The following HMCN1 variants were observed in gnomAD, a reference collection of about 807,000 sequenced individuals.
HMCN1 encodes hemicentin-1.
Under a neutral mutation model 625.9 loss-of-function variants are expected in HMCN1, and 321 were observed. That is an observed-to-expected ratio of 0.51 (90% CI 0.47 to 0.56). HMCN1 has a LOEUF of 0.56. Ranked by LOEUF, HMCN1 falls within the 20% of genes least tolerant of loss-of-function variation. HMCN1 has a pLI of 0.00. For synonymous variants in HMCN1, 2,425 were observed against 2,417.6 expected (o/e 1.00, Z -0.09); for missense variants, 6,588 against 6,887.3 (o/e 0.96, Z 1.54).
intron 20 of HMCN1, among the ~76,000 whole-genome samples, chr1:185,988,736 C>G (rs1190075689): frequency 1.3e-5 from 2 of 152,228 alleles, no homozygotes; most frequent in Non-Finnish European, 2.9e-5. Context: ...AGCTCTACCA[C>G]TGATGGGCTT....
intron 1 of HMCN1, among the ~76,000 whole-genome samples, chr1:185,814,436 G>A (rs1659719873): frequency 6.6e-6 from 1 of 152,086 alleles, no homozygotes; most frequent in South Asian, 2.1e-4. Flanking sequence ...GAAGTCTTCT[G>A]AGAAATTACT....
At position 185,865,630 on chromosome 1, in the gene HMCN1, CAT is replaced by C. The variant is rs1553251698; in HGVS notation, c.499-110_499-109del. The C allele has an allele frequency of 1.5e-3, 1,023 of 677,742 alleles. 3 individuals are homozygous for C. The highest frequency in any genetic ancestry group is 2.0e-3 in the Non-Finnish European group (786 of 402,324). The allele number at this position is 677,742 out of a possible 1,614,324, so 42.0% of individuals were successfully genotyped here. ...ACACACACACACACACACACACACA[CAT>C]TCACATATTCTACTTGCCCAGTAAT... On this transcript the variant is annotated intron_variant, in intron 3 of 106. Coordinates refer to ENST00000271588, the MANE Select transcript of HMCN1 (RefSeq NM_031935.3).
In HMCN1 at chr1:186,174,484, TG is replaced by T. The variant is rs563662516; in HGVS notation, c.15815-29del. ...ATGACTTTGGGTTTGAAAGAGGAAATGTTACTTCTCATTGCCTCCATGTCTG... is the reference window on the plus strand; with the variant it reads ...ATGACTTTGGGTTTGAAAGAGGAAATTTACTTCTCATTGCCTCCATGTCTG... On this transcript the variant is annotated intron_variant, in intron 102 of 106. Transcript: ENST00000271588. 3 of 1,612,970 alleles carry T rather than the reference TG, an allele frequency of 1.9e-6. No homozygotes were observed. The South Asian group carries it at 3.3e-5, about 18-fold the overall frequency.
chr1:185,989,365 A>G, intron 20 of HMCN1, 123 bp from the exon 21 acceptor site: 1 of 1,097,696 alleles, frequency 9.1e-7, no homozygotes, highest in East Asian at 2.4e-5. Context: ...TTTAAAATTT[A>G]CTCTATTCCC....
At chr1:185,848,856 C>T (rs1363752020) in intron 2 of HMCN1, among the ~76,000 whole-genome samples, 1 of 152,128 alleles carries the variant, frequency 6.6e-6, no homozygotes, top group African/African-American at 2.4e-5. Flanking sequence ...CAATTGACTC[C>T]TCTCCATTTC....
chr1:185,922,758 G>C (rs1667064659), intron 7 of HMCN1, among the ~76,000 whole-genome samples: 1 of 152,104 alleles, frequency 6.6e-6, no homozygotes, highest in African/African-American at 2.4e-5. Context: ...ACCATGGAAG[G>C]TAGGGCCCAG....
At chr1:186,069,400 CT>C (rs1658341139) in intron 50 of HMCN1, among the ~76,000 whole-genome samples, 1 of 152,156 alleles carries the variant, frequency 6.6e-6, no homozygotes, top group Non-Finnish European at 1.5e-5. Flanking sequence ...AGGATCTTAG[CT>C]AGAGTGGTAT....
chr1:185,956,601 A>G (rs1649647627), intron 11 of HMCN1, among the ~76,000 whole-genome samples: 1 of 152,220 alleles, frequency 6.6e-6, no homozygotes, highest in South Asian at 2.1e-4. Flanking sequence ...TAGCTATTTC[A>G]GAAGCTCTCT....
chr1:185,754,675 C>G (rs1655021810), intron 1 of HMCN1, among the ~76,000 whole-genome samples: 1 of 152,062 alleles, frequency 6.6e-6, no homozygotes, highest in Non-Finnish European at 1.5e-5. Context: ...CATGGCTAAA[C>G]TCCATCTCTT....
chr1:185,902,712 T>G (rs1330580688), intron 4 of HMCN1, among the ~76,000 whole-genome samples: 1 of 151,672 alleles, frequency 6.6e-6, no homozygotes, highest in Non-Finnish European at 1.5e-5. Context: ...TTTTTGTTAC[T>G]CGTAGCCTAA....
chr1:185,866,314 T>C (rs960547437), intron 4 of HMCN1, among the ~76,000 whole-genome samples: 5 of 151,108 alleles, frequency 3.3e-5, no homozygotes, highest in African/African-American at 1.2e-4. Flanking sequence ...TATGTAGTTA[T>C]CAAAAAACTG....
chr1:185,828,506 A>G (rs1660659811), intron 1 of HMCN1, among the ~76,000 whole-genome samples: 1 of 152,156 alleles, frequency 6.6e-6, no homozygotes. Context: ...TCCATAGTTG[A>G]TGACAGATAG....
intron 39 of HMCN1, among the ~76,000 whole-genome samples, chr1:186,040,343 G>A (rs543440568): frequency 1.3e-5 from 2 of 152,078 alleles, no homozygotes; most frequent in South Asian, 2.1e-4. Flanking sequence ...AAAACATCAC[G>A]AGAAATAAAA....
At chr1:185,893,795 A>G (rs1665301324) in intron 4 of HMCN1, among the ~76,000 whole-genome samples, 1 of 152,222 alleles carries the variant, frequency 6.6e-6, no homozygotes, top group South Asian at 2.1e-4. Context: ...TTGAAGAATT[A>G]TATACATACA....
At chr1:185,852,578 A>G (rs1662227822) in intron 2 of HMCN1, among the ~76,000 whole-genome samples, 1 of 2,356 alleles carries the variant, frequency 4.2e-4, no homozygotes, top group Non-Finnish European at 7.9e-4. Context: ...CAAATATCCT[A>G]CACACACACA....
At chr1:186,114,471 C>A (rs919324759) in intron 73 of HMCN1, among the ~76,000 whole-genome samples, 3 of 152,098 alleles carry the variant, frequency 2.0e-5, no homozygotes, top group African/African-American at 7.2e-5. Flanking sequence ...GTTGGCCAGG[C>A]TGGTCTCGAA....
Position 186,171,396 on chromosome 1 carries a change from A to G in HMCN1, c.15634A>G (p.Ser5212Gly). The change falls in exon 101 of 107, where the codon AGT becomes GGT. Residue 5212 changes from serine to glycine, a missense_variant. Around this residue, in one of 3 missense-constraint regions of HMCN1, gnomAD observed 1,954 missense variants for 2,013.1 expected, o/e 0.97. Transcript: ENST00000271588. Reference sequence around the variant, plus strand: ...CCAGCGCTGTTTCAATGCCATAGGAAGTTTCCATTGTGGATGTGAACCTGG... The same window carrying G: ...CCAGCGCTGTTTCAATGCCATAGGAGGTTTCCATTGTGGATGTGAACCTGG... ...CHQRCFNAIG[S>G]FHCGCEPGYQ... is the part of the protein sequence containing the mutation. 1 of 1,613,618 alleles carries G rather than the reference A, an allele frequency of 6.2e-7. No homozygotes were observed.
chr1:185,900,273 T>C (rs901787440), intron 4 of HMCN1, among the ~76,000 whole-genome samples: 1 of 152,042 alleles, frequency 6.6e-6, no homozygotes, highest in African/African-American at 2.4e-5. Flanking sequence ...TCTGGAGTGA[T>C]GATTTAGTTG....
At chr1:186,140,431 G>T (rs555709799) in intron 89 of HMCN1, among the ~76,000 whole-genome samples, 3 of 152,236 alleles carry the variant, frequency 2.0e-5, no homozygotes, top group South Asian at 4.2e-4. Flanking sequence ...TGTAGGTTTT[G>T]CATTTTGGCA....
Sources: allele counts gnomAD v4.1 joint callset (sites outside exome capture counted in the v4.1 genomes callset), GRCh38; gene constraint gnomAD v4.1.1; regional missense constraint gnomAD v4.1.1; transcripts MANE v1.5; gene names NCBI Gene and HGNC (gene_info 2026-07-23, HGNC 2026-07-21).